C12orf42: variants seen among roughly 807,000 people sequenced by gnomAD.
C12orf42 encodes the protein chromosome 12 open reading frame 42, also known as uncharacterized protein C12orf42.
A neutral mutation model predicts 21.6 loss-of-function variants in C12orf42; 25 were observed. The ratio of observed to expected loss-of-function variants is 1.16; its 90% CI spans 0.84 to 1.62. C12orf42 has a LOEUF of 1.62. C12orf42 is among the 40% of genes most tolerant of loss of function. The pLI is 0.00. For synonymous variants in C12orf42, 174 were observed against 175.0 expected (o/e 0.99, Z 0.05); for missense variants, 483 against 459.3 (o/e 1.05, Z -0.47).
the C12orf42 span, among the ~76,000 whole-genome samples, chr12:103,059,964 TTG>T: frequency 6.6e-6 from 1 of 152,212 alleles, no homozygotes; most frequent in South Asian, 2.1e-4. Flanking sequence ...CAACATAGTA[TTG>T]GAAGTTCTGG....
At chr12:103,273,172 G>A (rs956294224) in intron 5 of C12orf42, among the ~76,000 whole-genome samples, 4 of 152,134 alleles carry the variant, frequency 2.6e-5, no homozygotes, top group Admixed American at 1.3e-4. Flanking sequence ...CTGGGAGCTA[G>A]AATCCATATT....
At chr12:103,137,981 A>C in the C12orf42 span, among the ~76,000 whole-genome samples, 2 of 152,178 alleles carry the variant, frequency 1.3e-5, no homozygotes, top group African/African-American at 4.8e-5. Flanking sequence ...TATAGTTAAC[A>C]ACAATGTATT....
intron 1 of C12orf42, among the ~76,000 whole-genome samples, chr12:103,492,069 G>A (rs1035179323): frequency 2.0e-5 from 3 of 152,090 alleles, no homozygotes; most frequent in East Asian, 1.9e-4. Context: ...TGATTCTCAC[G>A]CTTCAGCCTC....
intron 4 of C12orf42, among the ~76,000 whole-genome samples, chr12:103,320,274 C>T (rs569585923): frequency 6.6e-6 from 1 of 152,156 alleles, no homozygotes; most frequent in South Asian, 2.1e-4. Flanking sequence ...ATCAGGCAAC[C>T]CAATAGAAAT....
chr12:103,190,686 CATTT>C, the C12orf42 span, among the ~76,000 whole-genome samples: 1 of 152,006 alleles, frequency 6.6e-6, no homozygotes, highest in Non-Finnish European at 1.5e-5. Flanking sequence ...AAAGACAGTT[CATTT>C]GAAATTATTC....
chr12:103,084,358 C>T, the C12orf42 span, among the ~76,000 whole-genome samples: 4 of 152,218 alleles, frequency 2.6e-5, no homozygotes, highest in Admixed American at 2.0e-4. Context: ...CAGCTGGGGA[C>T]TGCTGGCAAA....
At chr12:103,531,287 T>A in the C12orf42 span, among the ~76,000 whole-genome samples, 1 of 152,218 alleles carries the variant, frequency 6.6e-6, no homozygotes, top group East Asian at 1.9e-4. Flanking sequence ...TTCCATTTTT[T>A]AATCTTTTTT....
At chr12:103,170,990 T>C in the C12orf42 span, among the ~76,000 whole-genome samples, 8 of 152,136 alleles carry the variant, frequency 5.3e-5, no homozygotes, top group Admixed American at 4.6e-4. Flanking sequence ...ACTCATCCCA[T>C]TATGTTATAC....
At chr12:103,249,830 A>C (rs1414242487) in intron 10 of C12orf42, among the ~76,000 whole-genome samples, 1 of 152,214 alleles carries the variant, frequency 6.6e-6, no homozygotes, top group East Asian at 1.9e-4. Flanking sequence ...AGGGTAAGTG[A>C]GCAAACCAGT....
intron 2 of C12orf42, among the ~76,000 whole-genome samples, chr12:103,435,128 C>CAGCAGAGGCACCCCT (rs1565821550): frequency 7.2e-5 from 11 of 152,228 alleles, no homozygotes; most frequent in Non-Finnish European, 1.0e-4. Flanking sequence ...GAGGCACCCC[C>CAGCAGAGGCACCCCT]CAGCAGAGGC....
chr12:103,413,527 G>C (rs1488422065), intron 2 of C12orf42, among the ~76,000 whole-genome samples: 1 of 151,712 alleles, frequency 6.6e-6, no homozygotes, highest in African/African-American at 2.4e-5. Flanking sequence ...GTGGTGTTTG[G>C]TTTTATGGTT....
intron 2 of C12orf42, among the ~76,000 whole-genome samples, chr12:103,463,985 T>C (rs1952922425): frequency 6.6e-6 from 1 of 152,198 alleles, no homozygotes; most frequent in Non-Finnish European, 1.5e-5. Flanking sequence ...TGATGGGTAT[T>C]TGGGTTGATT....
chr12:103,473,271 G>C (rs752570460), intron 2 of C12orf42, among the ~76,000 whole-genome samples: 30 of 152,166 alleles, frequency 2.0e-4, no homozygotes, highest in South Asian at 4.1e-4. Context: ...GATGAAATGA[G>C]TCAACACATG....
the C12orf42 span, among the ~76,000 whole-genome samples, chr12:103,181,857 CACATTTAATAAAAT>C: frequency 6.6e-6 from 1 of 152,188 alleles, no homozygotes; most frequent in South Asian, 2.1e-4. Context: ...AAAGCTAAGA[CACATTTAATAAAAT>C]GCTAGGCTGA....
intron 4 of C12orf42, among the ~76,000 whole-genome samples, chr12:103,345,260 T>C (rs1158167178): frequency 6.6e-6 from 1 of 152,222 alleles, no homozygotes; most frequent in Admixed American, 6.5e-5. Context: ...TTCACCTCTC[T>C]ATGTATGTTT....
the C12orf42 span, among the ~76,000 whole-genome samples, chr12:103,554,965 T>A: frequency 2.0e-5 from 3 of 152,036 alleles, no homozygotes; most frequent in Non-Finnish European, 4.4e-5. Flanking sequence ...GAAGTGAGCC[T>A]GGGAAAGGAC....
At chr12:103,294,501 GA>G (rs2037070490) in intron 4 of C12orf42, among the ~76,000 whole-genome samples, 1 of 137,596 alleles carries the variant, frequency 7.3e-6, no homozygotes, top group East Asian at 2.1e-4. Flanking sequence ...AAGAAAGAAA[GA>G]AAGAAAAAGA....
chr12:103,508,217 T>C, the C12orf42 span, among the ~76,000 whole-genome samples: 1 of 152,168 alleles, frequency 6.6e-6, no homozygotes, highest in Non-Finnish European at 1.5e-5. Flanking sequence ...CAAAAAAGGT[T>C]AAAACATTTA....
downstream of C12orf42, among the ~76,000 whole-genome samples, chr12:103,298,405 G>A (rs1243409683): frequency 1.3e-5 from 2 of 152,222 alleles, no homozygotes; most frequent in African/African-American, 4.8e-5. Flanking sequence ...CAAGGGATGT[G>A]AAGGACCTCT....
Sources: gnomAD v4.1 joint callset for allele counts (sites outside exome capture counted in the v4.1 genomes callset) on GRCh38, gnomAD v4.1.1 for gene constraint, MANE v1.5 for transcripts, NCBI Gene and HGNC (gene_info 2026-07-23, HGNC 2026-07-21) for gene names.